The following TRIO variants were observed in gnomAD, a reference collection of about 807,000 sequenced individuals.
TRIO encodes triple functional domain protein.
TRIO carries 58 observed loss-of-function variants against 351.9 expected under a neutral mutation model. The ratio of observed to expected loss-of-function variants is 0.16; its 90% CI spans 0.13 to 0.21. TRIO has a LOEUF of 0.21. TRIO is among the 10% of genes least tolerant of loss of function. The pLI is 1.00. For synonymous variants in TRIO, 1,758 were observed against 1,595.7 expected, an observed-to-expected ratio of 1.10 and a Z score of -2.42; for missense variants, 3,201 against 4,027.8, an observed-to-expected ratio of 0.79 and a Z score of 5.56.
chr5:14,241,606 A>G lies in TRIO; in HGVS notation c.158-29219A>G, dbSNP rs181713670. ...GGCTAAATTTTATATTGTTGTGGAT[A>G]TAGAGGCATTGTCAGCTCTAAAACT... On this transcript the variant is annotated intron_variant, in intron 1 of 56. Transcript: ENST00000344204. 6.0e-3 allele frequency among the ~76,000 whole-genome samples: 921 copies of G among 152,354 alleles called. 1 individual carries two copies. The highest frequency in any genetic ancestry group is 0.014 in the Middle Eastern group (4 of 294).
intron 53 of TRIO, among the ~76,000 whole-genome samples, chr5:14,499,792 C>G (rs1363828843): frequency 6.6e-6 from 1 of 151,938 alleles, no homozygotes; most frequent in Non-Finnish European, 1.5e-5. Context: ...TGGCTCACAC[C>G]TGTAATCCCA....
intron 34 of TRIO, among the ~76,000 whole-genome samples, chr5:14,437,028 G>A (rs1561489355): frequency 6.6e-6 from 1 of 152,204 alleles, no homozygotes; most frequent in Non-Finnish European, 1.5e-5. Context: ...TCATACTGAA[G>A]TGTCTGCAAT....
At chr5:14,246,733 G>A (rs911607081) in intron 1 of TRIO, among the ~76,000 whole-genome samples, 2 of 152,322 alleles carry the variant, frequency 1.3e-5, no homozygotes, top group South Asian at 4.1e-4. Flanking sequence ...GGACAAGGAA[G>A]AAGGAAAAGG....
chr5:14,414,393 C>T (rs191331137), intron 33 of TRIO, among the ~76,000 whole-genome samples: 8 of 152,270 alleles, frequency 5.3e-5, no homozygotes, highest in African/African-American at 1.9e-4. Flanking sequence ...TAAATGCAGC[C>T]GTTTTTCATC....
Position 14,460,211 on chromosome 5 carries a change from C to T in TRIO, c.5204-808C>T, listed in dbSNP as rs190812557. Among the ~76,000 whole-genome samples the T allele has an allele frequency of 1.3e-3, 195 of 152,338 alleles. 1 individual carries two copies. The highest frequency in any genetic ancestry group is 4.1e-3 in the African/African-American group (171 of 41,578). On this transcript the variant is annotated intron_variant, in intron 34 of 56. Transcript: ENST00000344204. ...GATTACAGGCGTGAGCCACCGCGCC[C>T]GGCCCCTCACATTTCTTTTTAAAAT... is the stretch of plus-strand genomic sequence containing the variant.
intron 1 of TRIO, among the ~76,000 whole-genome samples, chr5:14,245,579 G>A (rs777501113): frequency 2.0e-5 from 3 of 152,244 alleles, no homozygotes; most frequent in Admixed American, 6.5e-5. Flanking sequence ...TGACAGTTCT[G>A]CGCTACTGAA....
chr5:14,437,102 G>C (rs1401677954), intron 34 of TRIO, among the ~76,000 whole-genome samples: 1 of 152,116 alleles, frequency 6.6e-6, no homozygotes, highest in East Asian at 1.9e-4. Flanking sequence ...TTCTTTGATA[G>C]TAAGACACTT....
At chr5:14,489,141 A>T in intron 48 of TRIO, 1 of 700,764 alleles carries the variant, frequency 1.4e-6, no homozygotes, top group Non-Finnish European at 2.6e-6. Context: ...ATTTCTCTAA[A>T]AGGGTCTGTG....
At chr5:14,264,911 T>TC (rs1320657423) in intron 1 of TRIO, among the ~76,000 whole-genome samples, 1 of 152,140 alleles carries the variant, frequency 6.6e-6, no homozygotes, top group Non-Finnish European at 1.5e-5. Flanking sequence ...GCGCGAAGTT[T>TC]CCCCCAAAGT....
chr5:14,366,445 A>G (rs1744595835), intron 15 of TRIO, among the ~76,000 whole-genome samples: 1 of 152,220 alleles, frequency 6.6e-6, no homozygotes, highest in African/African-American at 2.4e-5. Flanking sequence ...GAAATAAATT[A>G]GTTCCCCCTT....
chr5:14,319,214 T>C (rs1018635365), intron 9 of TRIO, among the ~76,000 whole-genome samples: 4 of 152,238 alleles, frequency 2.6e-5, no homozygotes, highest in African/African-American at 9.6e-5. Flanking sequence ...TATGGTCCTG[T>C]TAGCAATCTA....
Position 14,498,254 on chromosome 5 carries a change from G to T in TRIO, c.8210+3G>T. The T allele has an allele frequency of 1.2e-6, 2 of 1,613,308 alleles. No individual in the cohort carries two copies. Among genetic ancestry groups the T allele is most frequent in the Non-Finnish European group, 8.5e-7 (1 of 1,179,266 alleles). On this transcript the variant is annotated splice_donor_region_variant and intron_variant, in intron 52 of 56. Transcript: ENST00000344204. Reference sequence around the variant, plus strand: ...GGTCACTACAGCATCTCCTACAGGTGAGGGAGGCCCACTCCTGGTGGGTTT... The same window carrying T: ...GGTCACTACAGCATCTCCTACAGGTTAGGGAGGCCCACTCCTGGTGGGTTT...
chr5:14,428,917 G>A (rs1561480845), intron 34 of TRIO, among the ~76,000 whole-genome samples: 1 of 152,176 alleles, frequency 6.6e-6, no homozygotes, highest in African/African-American at 2.4e-5. Context: ...CAGGTACCAG[G>A]CCGCCACGTC....
At chr5:14,355,853 C>G (rs154160) in intron 11 of TRIO, among the ~76,000 whole-genome samples, 144,368 of 152,314 alleles carry the variant, frequency 0.95, 68,536 homozygotes, top group African/African-American at 0.99. Context: ...AACTGTGGCT[C>G]AGTATTCTTT....
intron 18 of TRIO, 111 bp from the exon 19 acceptor site, chr5:14,374,118 G>C: frequency 1.5e-6 from 1 of 678,696 alleles, no homozygotes; most frequent in East Asian, 3.1e-5. Flanking sequence ...CCAGCAGGTG[G>C]CCAGATAAAT....
chr5:14,482,789 G>T lies in TRIO; in HGVS notation c.6657+16G>T. On this transcript the variant is annotated intron_variant, in intron 46 of 56. Coordinates refer to ENST00000344204, the MANE Select transcript of TRIO (RefSeq NM_007118.4). ...CAGTATCAAGGTAACGTGTGTCTCT[G>T]TGTGATTTCTCTGTGCCAGCGCATG... 6.5e-7 allele frequency: 1 copy of T among 1,531,550 alleles called. No individual in the cohort carries two copies. The highest frequency in any genetic ancestry group is 8.8e-7 in the Non-Finnish European group (1 of 1,130,412). The allele number at this position is 1,531,550 out of a possible 1,614,324, so 94.9% of individuals were successfully genotyped here.
chr5:14,433,389 C>T (rs1751335004), intron 34 of TRIO, among the ~76,000 whole-genome samples: 1 of 152,144 alleles, frequency 6.6e-6, no homozygotes, highest in Non-Finnish European at 1.5e-5. Context: ...GAGGTATTAT[C>T]TATGGGGTAA....
intron 38 of TRIO, among the ~76,000 whole-genome samples, chr5:14,471,957 G>A (rs1436673076): frequency 1.3e-5 from 2 of 152,082 alleles, no homozygotes; most frequent in Non-Finnish European, 2.9e-5. Context: ...GCAGAGACTG[G>A]GTGTTTTATT....
chr5:14,457,749 G>T (rs985722359), intron 34 of TRIO, among the ~76,000 whole-genome samples: 3 of 152,214 alleles, frequency 2.0e-5, no homozygotes, highest in East Asian at 1.9e-4. Flanking sequence ...CTTCAGGGCT[G>T]CCCTGCGTCC....
Sources: allele counts gnomAD v4.1 joint callset (sites outside exome capture counted in the v4.1 genomes callset), GRCh38; gene constraint gnomAD v4.1.1; transcripts MANE v1.5; gene names NCBI Gene and HGNC (gene_info 2026-07-23, HGNC 2026-07-21).